The following MTCL3 variants were observed in gnomAD, a reference collection of about 807,000 sequenced individuals.
MTCL3 encodes microtubule cross-linking factor 3.
chr6:127,503,423 C>G, the MTCL3 span, among the ~76,000 whole-genome samples: 1 of 152,196 alleles, frequency 6.6e-6, no homozygotes, highest in African/African-American at 2.4e-5. Flanking sequence ...TCTCTCCAGC[C>G]AAATTAGCTG....
the MTCL3 span, among the ~76,000 whole-genome samples, chr6:127,509,338 A>G: frequency 6.6e-6 from 1 of 152,192 alleles, no homozygotes; most frequent in African/African-American, 2.4e-5. Context: ...GAGAAGATAG[A>G]CAGATAGATG....
the MTCL3 span, among the ~76,000 whole-genome samples, chr6:127,502,839 T>C: frequency 6.6e-6 from 1 of 152,200 alleles, no homozygotes; most frequent in South Asian, 2.1e-4. Context: ...GGTGATTAAA[T>C]TGAGAGTCAG....
chr6:127,515,941 T>G, the MTCL3 span: 1 of 1,608,806 alleles, frequency 6.2e-7, no homozygotes, highest in Non-Finnish European at 8.5e-7. This position sits in a 1 kb window ranked among gnomAD's most constrained non-coding sequence, Gnocchi z 4.3. Context: ...TCCTGGGGTT[T>G]TGCCCGCAGA....
At chr6:127,516,087 G>A in the MTCL3 span, 49 of 1,494,814 alleles carry the variant, frequency 3.3e-5, 1 homozygote, top group East Asian at 1.2e-3. Context: ...AGCCGCCGCC[G>A]GCTCCTCCTC....
At chr6:127,506,213 T>C in the MTCL3 span, among the ~76,000 whole-genome samples, 17 of 152,200 alleles carry the variant, frequency 1.1e-4, no homozygotes, top group African/African-American at 4.1e-4. Context: ...TTTTAACTCA[T>C]AATTTGTAGA....
the MTCL3 span, among the ~76,000 whole-genome samples, chr6:127,512,350 T>C: frequency 6.6e-6 from 1 of 152,146 alleles, no homozygotes; most frequent in African/African-American, 2.4e-5. Context: ...TATGATACAA[T>C]TGGCTGCTGT....
At chr6:127,488,724 A>G in the MTCL3 span, among the ~76,000 whole-genome samples, 2 of 152,394 alleles carry the variant, frequency 1.3e-5, no homozygotes, top group South Asian at 4.1e-4. Context: ...AAGACTAAAG[A>G]GTCAAAATTG....
chr6:127,491,696 C>G, the MTCL3 span, among the ~76,000 whole-genome samples: 3 of 151,782 alleles, frequency 2.0e-5, no homozygotes, highest in African/African-American at 7.3e-5. Flanking sequence ...TATGGTGAGA[C>G]TTTATCTCTA....
At chr6:127,516,169 T>A in the MTCL3 span, 1 of 1,436,358 alleles carries the variant, frequency 7.0e-7, no homozygotes, top group Non-Finnish European at 9.1e-7. Context: ...GGACTCTAGC[T>A]CCCGAGGCGG....
At chr6:127,493,051 G>T in the MTCL3 span, among the ~76,000 whole-genome samples, 3 of 152,066 alleles carry the variant, frequency 2.0e-5, no homozygotes, top group African/African-American at 4.8e-5. Flanking sequence ...AGGAAGAAGT[G>T]ATATATACAT....
chr6:127,488,869 C>T, the MTCL3 span, among the ~76,000 whole-genome samples: 1 of 152,070 alleles, frequency 6.6e-6, no homozygotes, highest in Admixed American at 6.5e-5. Context: ...ATAATGCAAA[C>T]TTAAAAATGA....
the MTCL3 span, chr6:127,475,946 C>A: frequency 6.2e-7 from 1 of 1,612,462 alleles, no homozygotes; most frequent in Non-Finnish European, 8.5e-7. This position sits in a 1 kb window ranked among gnomAD's most constrained non-coding sequence, Gnocchi z 7.3. Context: ...TTGGCGTTGT[C>A]GTGGTGCCGC....
At chr6:127,473,439 T>A in the MTCL3 span, 1 of 1,353,190 alleles carries the variant, frequency 7.4e-7, no homozygotes, top group South Asian at 1.5e-5. Context: ...TTAATAATAA[T>A]CTTTAAAACT....
the MTCL3 span, among the ~76,000 whole-genome samples, chr6:127,490,864 T>C: frequency 6.6e-6 from 1 of 151,994 alleles, no homozygotes; most frequent in Admixed American, 6.6e-5. Context: ...AGAATATTCA[T>C]GATTGATTGG....
chr6:127,495,670 A>C, the MTCL3 span, among the ~76,000 whole-genome samples: 4 of 152,212 alleles, frequency 2.6e-5, no homozygotes, highest in Admixed American at 1.3e-4. Context: ...TCATAATACA[A>C]ATTTAAAGGT....
the MTCL3 span, chr6:127,473,355 C>T: frequency 1.3e-6 from 2 of 1,542,596 alleles, no homozygotes; most frequent in Non-Finnish European, 1.7e-6. Context: ...GAAAATAATA[C>T]AAGAATGAGA....
chr6:127,473,055 A>G, the MTCL3 span: 1 of 1,079,852 alleles, frequency 9.3e-7, no homozygotes, highest in Non-Finnish European at 1.1e-6. Context: ...AACAATTCAT[A>G]CAGAAAAATG....
chr6:127,475,158 A>C, the MTCL3 span: 1 of 873,792 alleles, frequency 1.1e-6, no homozygotes, highest in Non-Finnish European at 1.7e-6. This position sits in a 1 kb window ranked among gnomAD's most constrained non-coding sequence, Gnocchi z 7.3. Context: ...CGGGGGTTTC[A>C]GGCCCCAGCG....
the MTCL3 span, among the ~76,000 whole-genome samples, chr6:127,498,746 G>T: frequency 6.6e-6 from 1 of 152,084 alleles, no homozygotes. Flanking sequence ...GAAATAAAAA[G>T]AAATGAATTA....
Sources: allele counts gnomAD v4.1 joint callset (sites outside exome capture counted in the v4.1 genomes callset), GRCh38; gene constraint gnomAD v4.1.1; non-coding constraint Gnocchi (gnomAD v3.1); transcripts MANE v1.5; gene names NCBI Gene and HGNC (gene_info 2026-07-23, HGNC 2026-07-21).